ADGRE1: variants seen among roughly 807,000 people sequenced by gnomAD.
The protein encoded by ADGRE1 is EGF-like module receptor 1.
Under a neutral mutation model 102.7 loss-of-function variants are expected in ADGRE1, and 82 were observed. The observed-to-expected ratio is 0.80, with a 90% CI of 0.67 to 0.96. The LOEUF (loss-of-function observed/expected upper bound fraction) is 0.96, where lower values mean the gene tolerates loss of function less well. ADGRE1 is among the 40% of genes least tolerant of loss of function. The pLI, the probability that ADGRE1 is intolerant of heterozygous loss-of-function variation, is 0.00. For synonymous variants in ADGRE1, 398 were observed against 399.6 expected (o/e 1.00, Z 0.05); for missense variants, 1,032 against 1,085.3 (o/e 0.95, Z 0.69).
At chr19:6,902,245 A>G (rs77227948) in intron 6 of ADGRE1, among the ~76,000 whole-genome samples, 20 of 152,144 alleles carry the variant, frequency 1.3e-4, no homozygotes, top group Non-Finnish European at 2.4e-4. Context: ...TCCAAATAAC[A>G]TCCCACTGGG....
chr19:6,919,449 T>TGTGTGG, intron 12 of ADGRE1, 99 bp from the exon 13 acceptor site: 2 of 439,794 alleles, frequency 4.5e-6, no homozygotes, highest in Non-Finnish European at 8.3e-6. Flanking sequence ...CCTCTGTGTG[T>TGTGTGG]GTGTGTGTGT....
chr19:6,924,311 C>T (rs1159589288), intron 14 of ADGRE1, among the ~76,000 whole-genome samples: 2 of 152,120 alleles, frequency 1.3e-5, no homozygotes, highest in Non-Finnish European at 2.9e-5. Context: ...AGGCTCACTC[C>T]TGTCTGCCGA....
rs957455871 is a variant in ADGRE1, at chr19:6,887,698, A to G, written c.31+59A>G. The G allele has an allele frequency of 2.2e-5, 35 of 1,558,544 alleles. No individual in the cohort carries two copies. In the African/African-American group the frequency reaches 4.8e-4, roughly 22 times the overall value. On this transcript the variant is annotated intron_variant, in intron 1 of 20. Transcript: ENST00000312053. The stretch of plus-strand genomic sequence containing the variant: ...GCCTGGATTGGAAATAGACTTCAGG[A>G]GAAATGGGAGGGCCATGGATGGTCC...
chr19:6,931,661 G>A (rs755477717), intron 17 of ADGRE1, among the ~76,000 whole-genome samples: 8 of 152,122 alleles, frequency 5.3e-5, no homozygotes, highest in Non-Finnish European at 7.4e-5. Flanking sequence ...TGAGCCAGGC[G>A]TGGTGGCAGG....
intron 6 of ADGRE1, among the ~76,000 whole-genome samples, chr19:6,902,422 G>GT (rs992162807): frequency 4.9e-4 from 75 of 151,782 alleles, no homozygotes; most frequent in African/African-American, 1.6e-3. Context: ...TTTGTTTTTT[G>GT]TTTTTTTGGG....
chr19:6,919,511 C>T (rs373539018), intron 12 of ADGRE1, 37 bp from the exon 13 acceptor site: 66 of 1,576,670 alleles, frequency 4.2e-5, no homozygotes, highest in South Asian at 7.8e-5. Flanking sequence ...ATTGAGCAAA[C>T]GATTCCTTCC....
rs181568038 is a variant in ADGRE1, at chr19:6,891,851, A to G, written c.94+1308A>G. On this transcript the variant is annotated intron_variant, in intron 2 of 20. Transcript: ENST00000312053. ...CTTAAAGGATGGATGAATTGATGTT[A>G]CCCAGGCAAAGGGGCAGGGTGGGAT... 3.7e-3 allele frequency among the ~76,000 whole-genome samples: 570 copies of G among 152,106 alleles called. 4 individuals carry two copies. The highest frequency in any genetic ancestry group is 6.7e-3 in the Non-Finnish European group (453 of 67,976).
chr19:6,890,086 AT>A (rs951254665), intron 1 of ADGRE1, among the ~76,000 whole-genome samples: 49 of 150,334 alleles, frequency 3.3e-4, no homozygotes, highest in Non-Finnish European at 3.0e-4. Context: ...AATTTAAAAA[AT>A]TTTTTTTTTG....
chr19:6,890,205 A>T (rs182223770), intron 1 of ADGRE1, among the ~76,000 whole-genome samples: 2 of 152,164 alleles, frequency 1.3e-5, no homozygotes, highest in Admixed American at 6.5e-5. Flanking sequence ...TGTGCACCAC[A>T]GTGCTTAGCC....
At chr19:6,890,843 C>T (rs1292508539) in intron 2 of ADGRE1, among the ~76,000 whole-genome samples, 1 of 152,080 alleles carries the variant, frequency 6.6e-6, no homozygotes, top group East Asian at 1.9e-4. Context: ...GCTTTGGAAA[C>T]CACCTGGTAT....
chr19:6,926,455 G>C lies in ADGRE1; in HGVS notation c.2076G>C (p.Leu692Phe). The change falls in exon 16 of 21, where the codon TTG (leucine) becomes TTC (phenylalanine). Residue 692 changes from leucine (L) to phenylalanine (F), a missense_variant. Transcript: ENST00000312053. ...TGGTGGAGGCTGTGATACTGTTCTT[G>C]ATGGTCAGAAACCTGAAGGTGGTGA... ...WMLVEAVILFLMVRNLKVVNY... is the reference protein window; with the variant it reads ...WMLVEAVILFFMVRNLKVVNY... 2 of 1,614,228 alleles carry C rather than the reference G, an allele frequency of 1.2e-6. No homozygotes were observed. The highest frequency in any genetic ancestry group is 1.1e-5 in the South Asian group (1 of 91,082).
chr19:6,899,586 A>G (rs2144900954), intron 5 of ADGRE1, among the ~76,000 whole-genome samples: 1 of 152,080 alleles, frequency 6.6e-6, no homozygotes, highest in East Asian at 1.9e-4. Context: ...AGGCTGAGGC[A>G]GGAGAATTGC....
chr19:6,918,891 G>GT (rs1304489787), intron 12 of ADGRE1, among the ~76,000 whole-genome samples: 1 of 151,868 alleles, frequency 6.6e-6, no homozygotes, highest in Non-Finnish European at 1.5e-5. Context: ...CGCCTGGCTA[G>GT]TTTTTTTATT....
chr19:6,933,726 C>T lies in ADGRE1; in HGVS notation c.2290-1261C>T, dbSNP rs1251341641. ...GTTGTTACAACTAGAGAGGTGGGTT[C>T]TACTGCCATTTAGTGCATAGAAGCC... On this transcript the variant is annotated intron_variant, in intron 17 of 20. Coordinates refer to ENST00000312053, the MANE Select transcript of ADGRE1 (RefSeq NM_001974.5). 2.6e-5 allele frequency among the ~76,000 whole-genome samples: 4 copies of T among 152,086 alleles called. No homozygotes were observed. In the East Asian group the frequency reaches 7.7e-4, roughly 29 times the overall value.
chr19:6,913,710 A>C lies in ADGRE1; in HGVS notation c.1180A>C (p.Thr394Pro). 6.2e-7 allele frequency: 1 copy of C among 1,612,942 alleles called. No homozygotes were observed. The highest frequency in any genetic ancestry group is 2.2e-5 in the East Asian group (1 of 44,834). Residue 394 changes from threonine (T) to proline (P), a missense_variant, in exon 11 of 21, where the codon ACC (threonine) becomes CCC (proline). Transcript: ENST00000312053. ...LKQISTWTKF[T>P]KEETSSLATV... ...ACAAATATCCACGTGGACTAAATTC[A>C]CCAAGGAAGAGACGTCCTCCCTGGC...
intron 2 of ADGRE1, among the ~76,000 whole-genome samples, chr19:6,892,450 A>G (rs1162662801): frequency 2.0e-5 from 3 of 152,198 alleles, no homozygotes; most frequent in Non-Finnish European, 4.4e-5. Flanking sequence ...CTTTAAAAAA[A>G]TCCTGAATTG....
chr19:6,934,419 C>CT (rs71177132), intron 17 of ADGRE1, among the ~76,000 whole-genome samples: 1,324 of 95,402 alleles, frequency 0.014, 11 homozygotes, highest in African/African-American at 0.02. Context: ...TCTTCTTCTT[C>CT]TTTTTTTTTT....
chr19:6,925,410 A>G (rs533546345), intron 15 of ADGRE1, among the ~76,000 whole-genome samples: 11 of 152,208 alleles, frequency 7.2e-5, no homozygotes, highest in Non-Finnish European at 1.5e-4. Context: ...GGCTTCAGCC[A>G]TCACGCACGG....
intron 10 of ADGRE1, among the ~76,000 whole-genome samples, chr19:6,912,004 T>C (rs2144945715): frequency 6.7e-6 from 1 of 150,118 alleles, no homozygotes; most frequent in South Asian, 2.1e-4. Context: ...CACATACACA[T>C]CCACACACAT....
Sources: gnomAD v4.1 joint callset for allele counts (sites outside exome capture counted in the v4.1 genomes callset) on GRCh38, gnomAD v4.1.1 for gene constraint, MANE v1.5 for transcripts, NCBI Gene and HGNC (gene_info 2026-07-23, HGNC 2026-07-21) for gene names.